The following PCDHGA2 variants were observed in gnomAD, a reference collection of about 807,000 sequenced individuals.
PCDHGA2 encodes the protein protocadherin gamma subfamily A, 2.
PCDHGA2 carries 40 observed loss-of-function variants against 59.2 expected under a neutral mutation model. That is an observed-to-expected ratio of 0.68 (90% CI 0.52 to 0.88). PCDHGA2 has a LOEUF of 0.88. Ranked by LOEUF, PCDHGA2 falls within the 40% of genes least tolerant of loss-of-function variation. PCDHGA2 has a pLI of 0.00. For missense variants in PCDHGA2, 1,226 were observed against 1,204.0 expected, an observed-to-expected ratio of 1.02 and a Z score of -0.27; for synonymous variants, 560 against 526.0, an observed-to-expected ratio of 1.06 and a Z score of -0.89.
chr5:141,477,189 A>G lies in PCDHGA2; in HGVS notation c.2425-17618A>G, dbSNP rs377372902. ...CCGGAGATCACAGTCACCTCCGTGT[A>G]CAGCCCAGTACCCGAGGATGCCCCT... On this transcript the variant is annotated intron_variant, in intron 1 of 3. Coordinates refer to ENST00000394576, the MANE Select transcript of PCDHGA2 (RefSeq NM_018915.4). The surrounding 1 kb of genome is among the most constrained non-coding windows in gnomAD (Gnocchi z 4.9). 6.2e-7 allele frequency: 1 copy of G among 1,614,070 alleles called. No homozygotes were observed. The highest frequency in any genetic ancestry group is 8.5e-7 in the Non-Finnish European group (1 of 1,180,040).
At chr5:141,481,913 C>CAAA (rs34114744) in intron 1 of PCDHGA2, among the ~76,000 whole-genome samples, 3 of 90,796 alleles carry the variant, frequency 3.3e-5, no homozygotes, top group Non-Finnish European at 4.4e-5. Flanking sequence ...AACTCCATCT[C>CAAA]AAAAAAAAAA....
chr5:141,349,122 C>A (rs537716111), intron 1 of PCDHGA2, among the ~76,000 whole-genome samples: 149 of 152,222 alleles, frequency 9.8e-4, no homozygotes, highest in African/African-American at 3.5e-3. Context: ...CCAGGATGGA[C>A]TTCAGTGGCA....
At chr5:141,404,215 G>T (rs1372288822) in intron 1 of PCDHGA2, 15 of 1,613,346 alleles carry the variant, frequency 9.3e-6, no homozygotes, top group Non-Finnish European at 1.3e-5. Context: ...ATAATATCAC[G>T]GTGACTGCAA....
chr5:141,375,624 T>G, intron 1 of PCDHGA2: 5 of 1,614,224 alleles, frequency 3.1e-6, no homozygotes, highest in Non-Finnish European at 3.4e-6. Flanking sequence ...ACTGGGATTC[T>G]GTACGCCCTG....
In PCDHGA2 at chr5:141,476,948, G is replaced by T; in HGVS notation, c.2425-17859G>T. 6.2e-7 allele frequency: 1 copy of T among 1,614,180 alleles called. No individual in the cohort carries two copies. On this transcript the variant is annotated intron_variant, in intron 1 of 3. Transcript: ENST00000394576. The surrounding 1 kb of genome is among the most constrained non-coding windows in gnomAD (Gnocchi z 7.6). ...GGATCTGGATGAAGGCCCCAACGGTGAAATTATTTACTCCTTCGGCAGCCA... is the reference window on the plus strand; with the variant it reads ...GGATCTGGATGAAGGCCCCAACGGTTAAATTATTTACTCCTTCGGCAGCCA...
chr5:141,419,240 G>T, intron 1 of PCDHGA2: 1 of 1,613,980 alleles, frequency 6.2e-7, no homozygotes. Flanking sequence ...CCTGGTCCAC[G>T]TGCCAGAAAA....
intron 1 of PCDHGA2, chr5:141,373,807 T>G (rs760297070): frequency 2.9e-6 from 1 of 341,172 alleles, no homozygotes; most frequent in African/African-American, 2.1e-5. Context: ...CTCTGTGTGA[T>G]AGTTTCACAA....
At chr5:141,360,569 C>A in intron 1 of PCDHGA2, 1 of 1,613,934 alleles carries the variant, frequency 6.2e-7, no homozygotes. Flanking sequence ...ATTGGCGAAT[C>A]CACTAAGCCA....
At chr5:141,389,863 T>C in intron 1 of PCDHGA2, 1 of 1,614,064 alleles carries the variant, frequency 6.2e-7, no homozygotes, top group South Asian at 1.1e-5. Flanking sequence ...ACGTTGCACC[T>C]GGTCTTCGCC....
At chr5:141,445,844 A>T (rs979756627) in intron 1 of PCDHGA2, among the ~76,000 whole-genome samples, 3 of 152,216 alleles carry the variant, frequency 2.0e-5, no homozygotes, top group Admixed American at 1.3e-4. Context: ...TGTAAATCAC[A>T]CTTAAAATTC....
chr5:141,374,812 T>C, intron 1 of PCDHGA2: 1 of 1,613,998 alleles, frequency 6.2e-7, no homozygotes, highest in Non-Finnish European at 8.5e-7. Flanking sequence ...CAATGTTTAC[T>C]CAGCCTGTCT....
At chr5:141,464,430 T>C (rs1213919443) in intron 1 of PCDHGA2, among the ~76,000 whole-genome samples, 1 of 151,680 alleles carries the variant, frequency 6.6e-6, no homozygotes, top group Non-Finnish European at 1.5e-5. Flanking sequence ...TATATAGATA[T>C]ATATGTTTGT....
intron 1 of PCDHGA2, chr5:141,415,388 G>A (rs752789407): frequency 1.2e-6 from 2 of 1,614,236 alleles, no homozygotes; most frequent in Non-Finnish European, 1.7e-6. Context: ...GGCTTGACAG[G>A]TGTGTCCGGC....
chr5:141,369,471 A>T (rs1182179165), intron 1 of PCDHGA2, among the ~76,000 whole-genome samples: 1 of 152,168 alleles, frequency 6.6e-6, no homozygotes, highest in South Asian at 2.1e-4. Context: ...GTTCTAGCCC[A>T]GCCTGGGCAA....
intron 1 of PCDHGA2, chr5:141,383,705 T>A: frequency 1.2e-6 from 2 of 1,614,020 alleles, no homozygotes; most frequent in Non-Finnish European, 1.7e-6. Flanking sequence ...GCTATCGACC[T>A]GGACGAGGGA....
chr5:141,433,199 A>G (rs2097574804), intron 1 of PCDHGA2: 1 of 1,579,570 alleles, frequency 6.3e-7, no homozygotes, highest in Non-Finnish European at 8.6e-7. Context: ...TTTATATCAA[A>G]TCTTCTTTCT....
chr5:141,483,589 G>A (rs189449393), intron 1 of PCDHGA2, among the ~76,000 whole-genome samples: 17 of 152,214 alleles, frequency 1.1e-4, no homozygotes, highest in Admixed American at 1.1e-3. Context: ...ACACCTAATA[G>A]GTCAGGCTGG....
At chr5:141,500,723 G>A (rs6875791) in intron 2 of PCDHGA2, among the ~76,000 whole-genome samples, 4,890 of 152,100 alleles carry the variant, frequency 0.032, 255 homozygotes, top group African/African-American at 0.11. Flanking sequence ...ATTTCCCCAT[G>A]TCTTTCAAAA....
chr5:141,409,164 C>G (rs115772303), intron 1 of PCDHGA2: 18 of 1,613,792 alleles, frequency 1.1e-5, no homozygotes, highest in Non-Finnish European at 1.4e-5. Flanking sequence ...GAAGTGGAAG[C>G]GAAGGACGGA....
Sources: gnomAD v4.1 joint callset for allele counts (sites outside exome capture counted in the v4.1 genomes callset) on GRCh38, gnomAD v4.1.1 for gene constraint, Gnocchi (gnomAD v3.1) non-coding constraint, MANE v1.5 for transcripts, NCBI Gene and HGNC (gene_info 2026-07-23, HGNC 2026-07-21) for gene names.